SWT1: variants seen among roughly 807,000 people sequenced by gnomAD.
SWT1 encodes the protein transcriptional protein SWT1.
In SWT1, 33 loss-of-function variants were observed where a neutral mutation model predicts 107.3. That is an observed-to-expected ratio of 0.31 (90% CI 0.23 to 0.41). The LOEUF (loss-of-function observed/expected upper bound fraction) is 0.41. Ranked by LOEUF, SWT1 falls within the 10% of genes least tolerant of loss-of-function variation. The pLI, the probability that SWT1 is intolerant of heterozygous loss-of-function variation, is 1.00. For missense variants in SWT1, 898 were observed against 1,028.9 expected (o/e 0.87, Z 1.74); for synonymous variants, 345 against 348.3 (o/e 0.99, Z 0.11).
At chr1:185,194,240 A>G (rs1392161726) in intron 10 of SWT1, among the ~76,000 whole-genome samples, 1 of 152,018 alleles carries the variant, frequency 6.6e-6, no homozygotes, top group African/African-American at 2.4e-5. Flanking sequence ...CAATCTGACA[A>G]TTTCTGTCTT....
At chr1:185,277,680 A>G (rs1664336893) in intron 18 of SWT1, among the ~76,000 whole-genome samples, 1 of 152,202 alleles carries the variant, frequency 6.6e-6, no homozygotes, top group South Asian at 2.1e-4. Flanking sequence ...TCCCCAGACC[A>G]TGTTTTCAAG....
intron 14 of SWT1, among the ~76,000 whole-genome samples, chr1:185,221,018 G>A (rs1328594107): frequency 2.0e-5 from 3 of 151,010 alleles, no homozygotes; most frequent in South Asian, 2.1e-4. Flanking sequence ...AGAAGGTTCA[G>A]TCTACTTAGT....
chr1:185,231,492 T>C, intron 15 of SWT1, 85 bp from the exon 16 acceptor site: 1 of 954,270 alleles, frequency 1.0e-6, no homozygotes, highest in Non-Finnish European at 1.6e-6. Context: ...AATACTACTT[T>C]ACTTTATACA....
intron 15 of SWT1, chr1:185,227,347 T>A (rs1660145656): frequency 4.1e-6 from 3 of 729,346 alleles, no homozygotes; most frequent in Admixed American, 3.5e-5. Context: ...CTTTCATAGA[T>A]CTTGTCCATG....
chr1:185,248,954 T>C (rs984128257), intron 16 of SWT1, among the ~76,000 whole-genome samples: 4 of 152,184 alleles, frequency 2.6e-5, no homozygotes, highest in African/African-American at 4.8e-5. Flanking sequence ...CCAAAACTTA[T>C]TGGCTTAAAA....
intron 14 of SWT1, among the ~76,000 whole-genome samples, chr1:185,217,795 C>T (rs1659336046): frequency 6.6e-6 from 1 of 152,190 alleles, no homozygotes. Flanking sequence ...AGGGTTTCAC[C>T]ATGTTGGCCA....
chr1:185,233,688 T>TCTTTTG (rs1456295697), intron 16 of SWT1, among the ~76,000 whole-genome samples: 1 of 152,222 alleles, frequency 6.6e-6, no homozygotes, highest in Non-Finnish European at 1.5e-5. Flanking sequence ...TGATTTACAT[T>TCTTTTG]CTTTTGCATT....
At chr1:185,180,800 A>G (rs1030359188) in intron 6 of SWT1, among the ~76,000 whole-genome samples, 5 of 152,214 alleles carry the variant, frequency 3.3e-5, no homozygotes, top group African/African-American at 1.2e-4. Flanking sequence ...TCATTTTAAA[A>G]ATCATCAATA....
At chr1:185,170,308 A>C (rs1245724054) in intron 4 of SWT1, among the ~76,000 whole-genome samples, 1 of 152,212 alleles carries the variant, frequency 6.6e-6, no homozygotes, top group Non-Finnish European at 1.5e-5. Context: ...TTTCAAAGTC[A>C]CTGGCTGCAA....
Position 185,184,865 on chromosome 1 carries a change from G to A in SWT1, c.1363G>A (p.Asp455Asn), listed in dbSNP as rs1309310053. 8 of 1,545,696 alleles carry A rather than the reference G, an allele frequency of 5.2e-6. No homozygotes were observed. In the African/African-American group the frequency reaches 8.5e-5, roughly 16 times the overall value. The stretch of plus-strand genomic sequence containing the variant: ...TATACCTGCAGTTCATTTCATCAAC[G>A]ACAGTCTCAAAAATCAAGATAGAAA... ...KAIPAVHFIN[D>N]SLKNQDRKLW... Residue 455 changes from aspartate to asparagine, a missense_variant, in exon 9 of 19, where the codon GAC (aspartate) becomes AAC (asparagine). Transcript: ENST00000367500.
chr1:185,235,131 A>C (rs964283246), intron 16 of SWT1, among the ~76,000 whole-genome samples: 1 of 152,232 alleles, frequency 6.6e-6, no homozygotes, highest in African/African-American at 2.4e-5. Context: ...ATTCTACCAG[A>C]GGTACAAAGA....
Position 185,250,622 on chromosome 1 carries a change from C to G in SWT1, c.2441+18914C>G, listed in dbSNP as rs570474839. ...AATTTTCAGCTTAGACTCCAAATGT[C>G]TAAAACTAAACTCATAATTTATTTA... On this transcript the variant is annotated intron_variant, in intron 16 of 18. Transcript: ENST00000367500. Among the ~76,000 whole-genome samples the G allele has an allele frequency of 1.2e-4, 19 of 152,176 alleles. No individual in the cohort carries two copies. In the East Asian group the frequency reaches 3.7e-3, roughly 29 times the overall value.
intron 16 of SWT1, among the ~76,000 whole-genome samples, chr1:185,235,951 A>G (rs1002577422): frequency 6.6e-6 from 1 of 152,202 alleles, no homozygotes; most frequent in Non-Finnish European, 1.5e-5. Flanking sequence ...CACAATTGCT[A>G]CAAAGACAAT....
At chr1:185,280,725 G>A (rs1664561918) in intron 18 of SWT1, 1 of 255,804 alleles carries the variant, frequency 3.9e-6, no homozygotes, top group Non-Finnish European at 7.8e-6. Context: ...CCCTGAACTG[G>A]CAGTAGCTGC....
In SWT1 at chr1:185,184,944, C is replaced by T; in HGVS notation, c.1429+13C>T. Reference sequence around the variant, plus strand: ...TCCCAAAAACATTGTAAGTATTGTTCTCTCAGAGTGCCTCCTGATTAATAC... The same window carrying T: ...TCCCAAAAACATTGTAAGTATTGTTTTCTCAGAGTGCCTCCTGATTAATAC... On this transcript the variant is annotated intron_variant, in intron 9 of 18. Coordinates refer to ENST00000367500, the MANE Select transcript of SWT1 (RefSeq NM_017673.7). The T allele has an allele frequency of 7.0e-7, 1 of 1,438,062 alleles. No individual in the cohort carries two copies. Among genetic ancestry groups the T allele is most frequent in the South Asian group, 1.6e-5 (1 of 61,264 alleles). 89.1% of individuals were successfully genotyped at this position (1,438,062 alleles called of 1,614,324 possible).
intron 15 of SWT1, 99 bp from the exon 16 acceptor site, chr1:185,231,478 A>G: frequency 2.3e-6 from 2 of 855,944 alleles, no homozygotes; most frequent in Admixed American, 4.6e-5. Flanking sequence ...GATTAGTGAT[A>G]ATAAATACTA....
intron 11 of SWT1, among the ~76,000 whole-genome samples, chr1:185,203,648 A>G (rs113722566): frequency 0.018 from 2,738 of 152,058 alleles, 77 homozygotes; most frequent in African/African-American, 0.063. Flanking sequence ...AGTAAGGACA[A>G]TACTATTATT....
At position 185,161,716 on chromosome 1, in the gene SWT1, A is replaced by G. The variant is rs191650391; in HGVS notation, c.84+791A>G. On this transcript the variant is annotated intron_variant, in intron 2 of 18. Transcript: ENST00000367500. ...ATCCTGTCTCAAAAAAGAAAAAAAG[A>G]AGTAGTGTTTTGGTAGATGAAATTT... Among the ~76,000 whole-genome samples the G allele has an allele frequency of 3.3e-5, 5 of 152,268 alleles. No homozygotes were observed. The East Asian group carries it at 9.6e-4, about 29-fold the overall frequency.
intron 14 of SWT1, among the ~76,000 whole-genome samples, chr1:185,218,462 A>G (rs1659391264): frequency 6.6e-6 from 1 of 152,130 alleles, no homozygotes; most frequent in African/African-American, 2.4e-5. Context: ...GGCATGTGCC[A>G]CAATGCTGAG....
Sources: gnomAD v4.1 joint callset for allele counts (sites outside exome capture counted in the v4.1 genomes callset) on GRCh38, gnomAD v4.1.1 for gene constraint, MANE v1.5 for transcripts, NCBI Gene and HGNC (gene_info 2026-07-23, HGNC 2026-07-21) for gene names.